The following LRBA variants were observed in gnomAD, a reference collection of about 807,000 sequenced individuals.
The protein encoded by LRBA is LPS responsive beige-like anchor protein.
In LRBA, 176 loss-of-function variants were observed where a neutral mutation model predicts 330.0. That is an observed-to-expected ratio of 0.53 (90% CI 0.47 to 0.60). LRBA has a LOEUF of 0.60. Ranked by LOEUF, LRBA falls within the 20% of genes least tolerant of loss-of-function variation. The pLI, the probability that LRBA is intolerant of heterozygous loss-of-function variation, is 0.00. For synonymous variants in LRBA, 1,230 were observed against 1,193.0 expected (o/e 1.03, Z -0.64); for missense variants, 3,259 against 3,444.8 (o/e 0.95, Z 1.35).
chr4:150,519,608 C>T (rs1178442998), intron 40 of LRBA, among the ~76,000 whole-genome samples: 1 of 152,070 alleles, frequency 6.6e-6, no homozygotes, highest in Non-Finnish European at 1.5e-5. Context: ...TGTATCTACC[C>T]TTCATTTAAC....
At chr4:150,358,668 C>T (rs1738227311) in intron 47 of LRBA, among the ~76,000 whole-genome samples, 1 of 152,028 alleles carries the variant, frequency 6.6e-6, no homozygotes, top group Admixed American at 6.6e-5. Context: ...CAATTATCCA[C>T]CTAGGTATAG....
At chr4:150,640,230 A>G (rs1385161375) in intron 37 of LRBA, among the ~76,000 whole-genome samples, 2 of 152,104 alleles carry the variant, frequency 1.3e-5, no homozygotes, top group African/African-American at 4.8e-5. Context: ...TCTGCTTAGT[A>G]CTACACCAGT....
At chr4:150,788,761 CA>C (rs34603148) in intron 34 of LRBA, among the ~76,000 whole-genome samples, 98,449 of 124,008 alleles carry the variant, frequency 0.79, 37,675 homozygotes, top group Middle Eastern at 0.87. Context: ...ACTTCGTCTC[CA>C]AAAAAAAAAA....
chr4:150,808,992 T>C (rs1371658384), intron 31 of LRBA, among the ~76,000 whole-genome samples: 1 of 152,188 alleles, frequency 6.6e-6, no homozygotes, highest in African/African-American at 2.4e-5. Context: ...CAAAGATTGT[T>C]GAATCTTTCA....
At chr4:150,741,624 A>T (rs549041833) in intron 35 of LRBA, among the ~76,000 whole-genome samples, 11 of 152,276 alleles carry the variant, frequency 7.2e-5, no homozygotes, top group Admixed American at 3.9e-4. Context: ...AATGTCCATT[A>T]AAAATAAAAC....
chr4:150,916,303 G>T, intron 7 of LRBA, 98 bp downstream of exon 7: 1 of 1,206,288 alleles, frequency 8.3e-7, no homozygotes, highest in Non-Finnish European at 1.2e-6. Flanking sequence ...AAACGAAGTT[G>T]TGCTTTAGCA....
intron 51 of LRBA, chr4:150,310,695 A>G (rs1730948578): frequency 4.5e-6 from 1 of 221,084 alleles, no homozygotes; most frequent in East Asian, 1.0e-4. Flanking sequence ...CAATCTCCAG[A>G]TTGCATCACA....
At chr4:150,638,512 G>A (rs1778157626) in intron 37 of LRBA, among the ~76,000 whole-genome samples, 1 of 152,132 alleles carries the variant, frequency 6.6e-6, no homozygotes, top group Non-Finnish European at 1.5e-5. Flanking sequence ...ACACAAAACT[G>A]GGGTTCAGAG....
intron 40 of LRBA, chr4:150,580,851 C>T (rs1771223899): frequency 6.6e-6 from 1 of 152,340 alleles, no homozygotes; most frequent in Non-Finnish European, 1.5e-5. Flanking sequence ...AGGAGTGAAG[C>T]CATCTGTGTA....
intron 40 of LRBA, chr4:150,579,592 T>C (rs1420889602): frequency 2.2e-6 from 1 of 448,306 alleles, no homozygotes; most frequent in Admixed American, 2.4e-5. Context: ...TCCTTCCCTC[T>C]GTATGTAAAA....
At chr4:150,904,776 A>C (rs1232927981) in intron 13 of LRBA, among the ~76,000 whole-genome samples, 2 of 152,168 alleles carry the variant, frequency 1.3e-5, no homozygotes, top group African/African-American at 4.8e-5. Context: ...ATTATTTCCA[A>C]ATGGCAATCA....
At chr4:150,970,556 T>TGTGTGTGTACAC (rs1166996824) in intron 2 of LRBA, 2 of 41,688 alleles carry the variant, frequency 4.8e-5, no homozygotes, top group African/African-American at 1.3e-4. Flanking sequence ...TGTGTGTGTG[T>TGTGTGTGTACAC]ACACACACAC....
chr4:150,300,679 A>G (rs1471343954), intron 53 of LRBA, among the ~76,000 whole-genome samples: 1 of 152,084 alleles, frequency 6.6e-6, no homozygotes, highest in Non-Finnish European at 1.5e-5. Context: ...CCATGCATGT[A>G]AAAACAATCT....
intron 37 of LRBA, among the ~76,000 whole-genome samples, chr4:150,646,867 G>A (rs1779189367): frequency 6.6e-6 from 1 of 152,072 alleles, no homozygotes; most frequent in African/African-American, 2.4e-5. Flanking sequence ...GATTAGGAAT[G>A]TTTGAGCGGT....
At chr4:150,442,165 ACTTCTCTTTT>A (rs1751927673) in intron 44 of LRBA, among the ~76,000 whole-genome samples, 1 of 152,116 alleles carries the variant, frequency 6.6e-6, no homozygotes, top group Non-Finnish European at 1.5e-5. Flanking sequence ...GTGTTAGCTA[ACTTCTCTTTT>A]AAAACCCAAA....
At chr4:150,512,090 T>C (rs1307771401) in intron 40 of LRBA, among the ~76,000 whole-genome samples, 2 of 152,350 alleles carry the variant, frequency 1.3e-5, no homozygotes, top group African/African-American at 4.8e-5. Context: ...AATGATGAGA[T>C]TAACAATTTC....
At chr4:150,346,900 G>A (rs1397164781) in intron 48 of LRBA, among the ~76,000 whole-genome samples, 1 of 151,406 alleles carries the variant, frequency 6.6e-6, no homozygotes, top group East Asian at 1.9e-4. Flanking sequence ...CATTTGAACA[G>A]ATGGTGTACA....
intron 37 of LRBA, among the ~76,000 whole-genome samples, chr4:150,613,494 T>C (rs1775463750): frequency 6.6e-6 from 1 of 152,206 alleles, no homozygotes; most frequent in Admixed American, 6.5e-5. Flanking sequence ...TAAAGTTAAA[T>C]GTTTCCAGAA....
chr4:150,436,279 T>C (rs543758746), intron 45 of LRBA, among the ~76,000 whole-genome samples: 241 of 152,302 alleles, frequency 1.6e-3, no homozygotes, highest in Admixed American at 2.6e-3. Context: ...AGTAGATGAA[T>C]CACCTTTCAA....
Sources: gnomAD v4.1 joint callset for allele counts (sites outside exome capture counted in the v4.1 genomes callset) on GRCh38, gnomAD v4.1.1 for gene constraint, MANE v1.5 for transcripts, NCBI Gene and HGNC (gene_info 2026-07-23, HGNC 2026-07-21) for gene names.